RGL1: variants seen among roughly 807,000 people sequenced by gnomAD.
RGL1 encodes the protein ral guanine nucleotide dissociation stimulator-like 1.
A neutral mutation model predicts 95.2 loss-of-function variants in RGL1; 24 were observed. The observed-to-expected ratio is 0.25, with a 90% CI of 0.18 to 0.35. RGL1 has a LOEUF of 0.35. RGL1 is among the 10% of genes least tolerant of loss of function. The probability of loss-of-function intolerance (pLI) is 1.00; values close to 1 mark genes in which losing one functional copy is unlikely to be tolerated. For missense variants in RGL1, 715 were observed against 936.3 expected, an observed-to-expected ratio of 0.76 and a Z score of 3.08; for synonymous variants, 329 against 344.9, an observed-to-expected ratio of 0.95 and a Z score of 0.51.
intron 2 of RGL1, among the ~76,000 whole-genome samples, chr1:183,756,749 A>T (rs577885504): frequency 5.3e-5 from 8 of 152,202 alleles, no homozygotes; most frequent in African/African-American, 1.9e-4. Flanking sequence ...CAGGCCTCTT[A>T]GTCTTCTTCT....
intron 4 of RGL1, among the ~76,000 whole-genome samples, chr1:183,866,814 G>A (rs1316148299): frequency 6.6e-6 from 1 of 152,196 alleles, no homozygotes; most frequent in East Asian, 1.9e-4. Flanking sequence ...TGGGGACAAG[G>A]GTGGGAGCAG....
At chr1:183,894,021 TG>T (rs1667560031) in intron 9 of RGL1, among the ~76,000 whole-genome samples, 1 of 152,240 alleles carries the variant, frequency 6.6e-6, no homozygotes, top group Admixed American at 6.5e-5. Context: ...ACTTTGGATT[TG>T]GACTACCTGA....
Position 183,713,381 on chromosome 1 carries a change from C to CG in RGL1, c.-32-28745_-32-28744insG, listed in dbSNP as rs1553273645. Among the ~76,000 whole-genome samples, 2 of 133,942 alleles carry CG rather than the reference C, an allele frequency of 1.5e-5. 1 individual carries two copies. The highest frequency in any genetic ancestry group is 3.2e-5 in the Non-Finnish European group (2 of 63,072). 87.9% of individuals were successfully genotyped at this position (133,942 alleles called of 152,430 possible). A position where few individuals can be genotyped will look rare whatever the true frequency, so the allele number is the denominator to read the frequency against. On this transcript the variant is annotated intron_variant, in intron 1 of 18. Transcript: ENST00000304685. ...TGAAAAAAAAATCTAGAGGCACCCC[C>CG]CCCCCCCGCTTTTATAATGACCCTT...
At chr1:183,664,956 T>C (rs1651928789) in intron 1 of RGL1, among the ~76,000 whole-genome samples, 1 of 152,142 alleles carries the variant, frequency 6.6e-6, no homozygotes, top group South Asian at 2.1e-4. Context: ...CCTTGCCTTG[T>C]TCCTGATCTT....
At chr1:183,673,061 T>C (rs185534422) in intron 1 of RGL1, among the ~76,000 whole-genome samples, 205 of 152,304 alleles carry the variant, frequency 1.3e-3, no homozygotes, top group Non-Finnish European at 2.1e-3. Context: ...TTTTTAATTT[T>C]CCTGCATATT....
rs558851444 is a variant in RGL1 at position 183,848,715 on chromosome 1, G to A, written c.347+941G>A. ...ACATTTATTAGATTTAAAAATATTA[G>A]TAGTAAGAAGAAAATTAAATAGACC... On this transcript the variant is annotated intron_variant, in intron 3 of 17. Transcript: ENST00000360851. 2.0e-4 allele frequency among the ~76,000 whole-genome samples: 31 copies of A among 152,178 alleles called. 1 individual carries two copies. In the South Asian group the frequency reaches 6.4e-3, roughly 32 times the overall value.
chr1:183,808,857 A>C (rs1244719129), intron 2 of RGL1, among the ~76,000 whole-genome samples: 1 of 152,104 alleles, frequency 6.6e-6, no homozygotes, highest in Non-Finnish European at 1.5e-5. Context: ...CCAGATTCAA[A>C]TCCAGATGGT....
Position 183,771,300 on chromosome 1 carries a change from A to AG in RGL1, c.132+29012dup, listed in dbSNP as rs1337385672. 3.3e-5 allele frequency among the ~76,000 whole-genome samples: 5 copies of AG among 150,136 alleles called. No homozygotes were observed. The South Asian group carries it at 6.3e-4, about 19-fold the overall frequency. On this transcript the variant is annotated intron_variant, in intron 2 of 18. Transcript: ENST00000304685. Reference sequence around the variant, plus strand: ...AACTCCAGTGGAATTTAGTAAACAAAGAAAAAAAAAAAACAAGAAAAAAAA... The same window carrying AG: ...AACTCCAGTGGAATTTAGTAAACAAAGGAAAAAAAAAAAACAAGAAAAAAAA...
intron 2 of RGL1, among the ~76,000 whole-genome samples, chr1:183,842,603 C>CA (rs1032265241): frequency 1.4e-4 from 21 of 151,898 alleles, no homozygotes; most frequent in African/African-American, 4.8e-4. Context: ...AAAGATCAAC[C>CA]AAAAAAACAA....
intron 4 of RGL1, among the ~76,000 whole-genome samples, chr1:183,870,535 A>G (rs553809456): frequency 5.3e-5 from 8 of 151,868 alleles, no homozygotes; most frequent in Middle Eastern, 3.4e-3. Context: ...TGCTTCTGCT[A>G]TCTTGCTGAC....
upstream of RGL1, among the ~76,000 whole-genome samples, chr1:183,801,948 C>A (rs996605425): frequency 6.6e-6 from 1 of 152,176 alleles, no homozygotes; most frequent in East Asian, 1.9e-4. Flanking sequence ...ATCCAGACAC[C>A]TCCCATTAGG....
At chr1:183,746,600 G>T (rs1193204753) in intron 2 of RGL1, among the ~76,000 whole-genome samples, 1 of 148,622 alleles carries the variant, frequency 6.7e-6, no homozygotes, top group East Asian at 2.0e-4. Context: ...GAACAATGCT[G>T]ATATGAACAT....
At chr1:183,866,169 A>T (rs1411279765) in intron 4 of RGL1, 96 bp downstream of exon 4, 1 of 1,050,026 alleles carries the variant, frequency 9.5e-7, no homozygotes. Context: ...TGTTGCCATG[A>T]TTTTTTTTTC....
chr1:183,766,404 C>A (rs1298047208), intron 2 of RGL1, among the ~76,000 whole-genome samples: 1 of 151,938 alleles, frequency 6.6e-6, no homozygotes, highest in Non-Finnish European at 1.5e-5. Context: ...GTAAACACAG[C>A]TAAAGTAATT....
intron 13 of RGL1, 95 bp from the exon 14 acceptor site, chr1:183,906,917 G>A: frequency 2.7e-6 from 2 of 749,032 alleles, no homozygotes; most frequent in Admixed American, 2.0e-5. Context: ...AACAATTAGA[G>A]CCTTCTCTAA....
At chr1:183,900,360 G>A in intron 11 of RGL1, 124 bp downstream of exon 11, 1 of 672,638 alleles carries the variant, frequency 1.5e-6, no homozygotes, top group African/African-American at 1.8e-5. Context: ...CTAGCTGTTA[G>A]GAGGAATACA....
chr1:183,895,556 G>A (rs968288075), intron 9 of RGL1, among the ~76,000 whole-genome samples: 3 of 152,142 alleles, frequency 2.0e-5, no homozygotes, highest in Non-Finnish European at 4.4e-5. Context: ...CAGAAAACAA[G>A]AGGATAACTT....
At chr1:183,862,526 C>T (rs921486708) in intron 3 of RGL1, among the ~76,000 whole-genome samples, 1 of 152,178 alleles carries the variant, frequency 6.6e-6, no homozygotes, top group Non-Finnish European at 1.5e-5. Context: ...ATAGTTTTTA[C>T]CTTTAAGATC....
intron 2 of RGL1, among the ~76,000 whole-genome samples, chr1:183,846,762 C>A (rs1202982601): frequency 2.6e-5 from 4 of 152,022 alleles, no homozygotes; most frequent in African/African-American, 4.8e-5. Flanking sequence ...TGCCTGTAAT[C>A]CCAGCTACTC....
Sources: gnomAD v4.1 joint callset for allele counts (sites outside exome capture counted in the v4.1 genomes callset) on GRCh38, gnomAD v4.1.1 for gene constraint, MANE v1.5 for transcripts, NCBI Gene and HGNC (gene_info 2026-07-23, HGNC 2026-07-21) for gene names.